KMT2C: variants seen among roughly 807,000 people sequenced by gnomAD.
The protein encoded by KMT2C is histone-lysine N-methyltransferase 2C.
Under a neutral mutation model 507.9 loss-of-function variants are expected in KMT2C, and 88 were observed. The ratio of observed to expected loss-of-function variants is 0.17; its 90% CI spans 0.15 to 0.21. The LOEUF (loss-of-function observed/expected upper bound fraction) is 0.21, where lower values mean the gene tolerates loss of function less well. Among genes scored for constraint, KMT2C ranks in the 10% least tolerant of loss-of-function variants. The probability of loss-of-function intolerance (pLI) is 1.00; values close to 1 mark genes in which losing one functional copy is unlikely to be tolerated. For missense variants in KMT2C, 4,954 were observed against 5,957.8 expected (o/e 0.83, Z 5.55); for synonymous variants, 2,049 against 2,080.8 (o/e 0.98, Z 0.42).
chr7:152,246,789 G>A (rs4726143), intron 14 of KMT2C, among the ~76,000 whole-genome samples: 4 of 151,982 alleles, frequency 2.6e-5, no homozygotes, highest in Non-Finnish European at 5.9e-5. Flanking sequence ...TTAGAAAAAG[G>A]CATATATAAA....
intron 26 of KMT2C, among the ~76,000 whole-genome samples, chr7:152,201,933 T>G (rs1319239149): frequency 6.6e-6 from 1 of 152,162 alleles, no homozygotes; most frequent in African/African-American, 2.4e-5. Flanking sequence ...AAATCCTGAC[T>G]TTATAGGCTG....
At chr7:152,246,359 T>C (rs1158885090) in intron 14 of KMT2C, among the ~76,000 whole-genome samples, 1 of 152,016 alleles carries the variant, frequency 6.6e-6, no homozygotes, top group Non-Finnish European at 1.5e-5. Flanking sequence ...AAGATTATCA[T>C]CGGATTTGGG....
In KMT2C at chr7:152,135,820, C is replaced by T. The variant is rs2089829454; in HGVS notation, c.*1012G>A. ...CTATAAAAGTTGTAGTCGTAGCATA[C>T]GCCCCGCTCTGTCAGAAGTAAGGTG... On this transcript the variant is annotated 3_prime_UTR_variant, in exon 59 of 59. Transcript: ENST00000262189. 8.7e-6 allele frequency: 2 copies of T among 230,456 alleles called. No homozygotes were observed. Among genetic ancestry groups the T allele is most frequent in the African/African-American group, 2.2e-5 (1 of 45,142 alleles). 14.3% of individuals were successfully genotyped at this position (230,456 alleles called of 1,614,324 possible). A position where few individuals can be genotyped will look rare whatever the true frequency, so the allele number is the denominator to read the frequency against.
chr7:152,328,132 GAAAAAT>G (rs538726627), intron 3 of KMT2C, among the ~76,000 whole-genome samples: 13 of 152,052 alleles, frequency 8.5e-5, no homozygotes, highest in Non-Finnish European at 1.6e-4. Context: ...GTGCCACAAA[GAAAAAT>G]AAAGCAGGTT....
intron 31 of KMT2C, among the ~76,000 whole-genome samples, chr7:152,190,000 G>C (rs1416904931): frequency 1.3e-5 from 2 of 152,184 alleles, no homozygotes; most frequent in African/African-American, 4.8e-5. Context: ...TGTCAGATCA[G>C]TGGCGGTATT....
chr7:152,187,855 G>A lies in KMT2C; in HGVS notation c.4661-8C>T, dbSNP rs571071277. ...GCATCCGTGAAAAAGCATCTTCAGAGAAAAAAATAATTCCGTTGGCATGAT... is the reference window on the plus strand; with the variant it reads ...GCATCCGTGAAAAAGCATCTTCAGAAAAAAAAATAATTCCGTTGGCATGAT... On this transcript the variant is annotated splice_polypyrimidine_tract_variant and splice_region_variant and intron_variant, in intron 31 of 58. Transcript: ENST00000262189. 6.2e-7 allele frequency: 1 copy of A among 1,611,662 alleles called. No homozygotes were observed. Among genetic ancestry groups the A allele is most frequent in the South Asian group, 1.1e-5 (1 of 90,410 alleles).
chr7:152,394,346 C>T (rs1259429996), intron 1 of KMT2C, among the ~76,000 whole-genome samples: 1 of 152,310 alleles, frequency 6.6e-6, no homozygotes, highest in Non-Finnish European at 1.5e-5. Flanking sequence ...ATCTGACTCC[C>T]CACGCTACTT....
In KMT2C at chr7:152,250,984, A is replaced by C. The variant is rs1429664371; in HGVS notation, c.1622-18T>G. Reference sequence around the variant, plus strand: ...GTTATAATCTTAACAAAAAATTATTAATTCTTTAGCTCAGAATGAGTTTTT... The same window carrying C: ...GTTATAATCTTAACAAAAAATTATTCATTCTTTAGCTCAGAATGAGTTTTT... On this transcript the variant is annotated intron_variant, in intron 11 of 58. Coordinates refer to ENST00000262189, the MANE Select transcript of KMT2C (RefSeq NM_170606.3). 1 of 1,371,838 alleles carries C rather than the reference A, an allele frequency of 7.3e-7. No individual in the cohort carries two copies. The highest frequency in any genetic ancestry group is 1.2e-5 in the South Asian group (1 of 84,860). The allele number at this position is 1,371,838 out of a possible 1,614,324, so 85.0% of individuals were successfully genotyped here. A position where few individuals can be genotyped will look rare whatever the true frequency, so the allele number is the denominator to read the frequency against.
intron 23 of KMT2C, among the ~76,000 whole-genome samples, chr7:152,214,776 A>G (rs2094532883): frequency 6.8e-6 from 1 of 146,708 alleles, no homozygotes; most frequent in Non-Finnish European, 1.5e-5. Flanking sequence ...TATAGAGAGT[A>G]GAATGGTGGT....
intron 14 of KMT2C, among the ~76,000 whole-genome samples, chr7:152,239,955 G>A (rs2095353807): frequency 6.6e-6 from 1 of 152,210 alleles, no homozygotes; most frequent in Admixed American, 6.5e-5. Context: ...GTAAGAGATA[G>A]GTAATGGAAT....
At chr7:152,205,905 C>T (rs1186192714) in intron 24 of KMT2C, among the ~76,000 whole-genome samples, 1 of 152,130 alleles carries the variant, frequency 6.6e-6, no homozygotes, top group African/African-American at 2.4e-5. Context: ...GCACAAACTA[C>T]CTAGATGACA....
At chr7:152,348,207 G>A (rs767911872) in intron 2 of KMT2C, among the ~76,000 whole-genome samples, 16 of 152,024 alleles carry the variant, frequency 1.1e-4, no homozygotes, top group East Asian at 1.9e-4. Flanking sequence ...AATAAACTTC[G>A]AATATTGAAC....
chr7:152,398,169 G>A (rs1261646659), intron 1 of KMT2C, among the ~76,000 whole-genome samples: 1 of 152,100 alleles, frequency 6.6e-6, no homozygotes, highest in African/African-American at 2.4e-5. Flanking sequence ...GACTAATTAC[G>A]AGAAATGCAT....
intron 7 of KMT2C, among the ~76,000 whole-genome samples, chr7:152,267,818 C>T (rs113432200): frequency 8.0e-4 from 118 of 147,232 alleles, no homozygotes; most frequent in Middle Eastern, 7.2e-3. Context: ...GGCAAAAAGG[C>T]CCTTATCTCC....
chr7:152,389,681 T>A (rs2116534773), intron 1 of KMT2C, among the ~76,000 whole-genome samples: 1 of 152,238 alleles, frequency 6.6e-6, no homozygotes, highest in East Asian at 1.9e-4. Flanking sequence ...GCTCAAGTGA[T>A]CCTCCAGCCT....
chr7:152,293,324 AAC>A (rs1250743870), intron 6 of KMT2C, among the ~76,000 whole-genome samples: 1 of 152,244 alleles, frequency 6.6e-6, no homozygotes, highest in East Asian at 1.9e-4. Flanking sequence ...AAATAGATAA[AAC>A]ACACAATAGT....
chr7:152,168,016 C>G (rs12667740), intron 41 of KMT2C, among the ~76,000 whole-genome samples: 2 of 152,068 alleles, frequency 1.3e-5, no homozygotes, highest in East Asian at 3.8e-4. Flanking sequence ...GAATAGTTAA[C>G]CAAGCAAAAC....
chr7:152,263,548 C>G (rs2095814823), intron 8 of KMT2C, among the ~76,000 whole-genome samples: 1 of 152,166 alleles, frequency 6.6e-6, no homozygotes, highest in African/African-American at 2.4e-5. Context: ...CATCAGATCT[C>G]TATTTGTATT....
At chr7:152,331,641 GATT>G (rs2096884182) in intron 2 of KMT2C, among the ~76,000 whole-genome samples, 1 of 117,442 alleles carries the variant, frequency 8.5e-6, no homozygotes, top group African/African-American at 3.4e-5. Flanking sequence ...ACAACAAAAA[GATT>G]TTTTTTTTTT....
Sources: allele counts gnomAD v4.1 joint callset (sites outside exome capture counted in the v4.1 genomes callset), GRCh38; gene constraint gnomAD v4.1.1; transcripts MANE v1.5; gene names NCBI Gene and HGNC (gene_info 2026-07-23, HGNC 2026-07-21).